Variants in MDN1 observed in about 807,000 individuals in gnomAD.
MDN1 encodes midasin AAA ATPase 1.
A neutral mutation model predicts 669.2 loss-of-function variants in MDN1; 266 were observed. That is an observed-to-expected ratio of 0.40 (90% CI 0.36 to 0.44). MDN1 has a LOEUF of 0.44. MDN1 is among the 20% of genes least tolerant of loss of function. The pLI, the probability that MDN1 is intolerant of heterozygous loss-of-function variation, is 1.00. For missense variants in MDN1, 5,940 were observed against 6,754.0 expected (o/e 0.88, Z 4.22); for synonymous variants, 2,385 against 2,457.1 (o/e 0.97, Z 0.87).
intron 30 of MDN1, 46 bp from the exon 31 acceptor site, chr6:89,743,326 C>T: frequency 5.0e-6 from 8 of 1,609,880 alleles, no homozygotes; most frequent in Non-Finnish European, 6.8e-6. Context: ...GGTGGCTCCA[C>T]AGACAATATA....
In MDN1 at chr6:89,787,908, C is replaced by T; in HGVS notation, c.1280G>A (p.Gly427Asp). The change falls in exon 8 of 102, where the codon GGC (glycine) becomes GAC (aspartate). Residue 427 changes from glycine to aspartate, a missense_variant. Transcript: ENST00000369393. ...TGCCACTTTCAGACAGTCACCTCGG[C>T]CAGGAATCAAGAGCTCTCCATTCTC... ...LLENGELLIP[G>D]RGDCLKVAPG... The T allele has an allele frequency of 6.2e-7, 1 of 1,613,724 alleles. No homozygotes were observed. The highest frequency in any genetic ancestry group is 8.5e-7 in the Non-Finnish European group (1 of 1,180,008).
chr6:89,778,299 T>C (rs1818454221), intron 11 of MDN1, among the ~76,000 whole-genome samples: 1 of 152,046 alleles, frequency 6.6e-6, no homozygotes, highest in Non-Finnish European at 1.5e-5. Context: ...TCATCTTTTC[T>C]ATTGTTTTTT....
intron 10 of MDN1, among the ~76,000 whole-genome samples, chr6:89,780,785 C>A (rs1003171174): frequency 6.7e-6 from 1 of 150,066 alleles, no homozygotes; most frequent in Non-Finnish European, 1.5e-5. Flanking sequence ...GGATTACAGG[C>A]ACCTGCCACC....
chr6:89,818,823 G>A (rs1236921876), intron 1 of MDN1, among the ~76,000 whole-genome samples: 24 of 147,036 alleles, frequency 1.6e-4, no homozygotes, highest in Non-Finnish European at 3.0e-4. Flanking sequence ...AAAAAAAAAA[G>A]TGTCTTCAAC....
chr6:89,654,158 A>T lies in MDN1; in HGVS notation c.15661+6T>A, dbSNP rs1371703634. ...TGGGAAGGGTTTGTTCACTAGCAGGACTCACCCAAGGGTGCTGTGGTGCCC... is the reference window on the plus strand; with the variant it reads ...TGGGAAGGGTTTGTTCACTAGCAGGTCTCACCCAAGGGTGCTGTGGTGCCC... On this transcript the variant is annotated splice_donor_region_variant and intron_variant, in intron 93 of 101. Coordinates refer to ENST00000369393, the MANE Select transcript of MDN1 (RefSeq NM_014611.3). 1 of 1,613,900 alleles carries T rather than the reference A, an allele frequency of 6.2e-7. No homozygotes were observed. The highest frequency in any genetic ancestry group is 1.3e-5 in the African/African-American group (1 of 74,914).
chr6:89,650,333 G>C (rs1422663703), intron 96 of MDN1, 135 bp from the exon 97 acceptor site: 2 of 811,450 alleles, frequency 2.5e-6, no homozygotes, highest in African/African-American at 3.5e-5. Flanking sequence ...AAGTGTTTCT[G>C]TCAATTGACG....
At chr6:89,798,114 G>A (rs1229312256) in intron 2 of MDN1, among the ~76,000 whole-genome samples, 6 of 150,258 alleles carry the variant, frequency 4.0e-5, no homozygotes, top group Admixed American at 6.7e-5. Flanking sequence ...CCCGGGAGGC[G>A]GAGCTTGCAG....
At position 89,653,114 on chromosome 6, in the gene MDN1, C is replaced by T. The variant is rs746453309; in HGVS notation, c.15703G>A (p.Glu5235Lys). The T allele has an allele frequency of 1.9e-6, 3 of 1,613,934 alleles. No individual in the cohort carries two copies. The highest frequency in any genetic ancestry group is 2.5e-6 in the Non-Finnish European group (3 of 1,179,982). ...TCTGTTCTGGGGTCTTGGTCTTCCT[C>T]TGTTTTAACAGTTTGGATCTCCACT... ...MEVEIQTVKTEEDQDPRTDKA... is the reference protein window; with the variant it reads ...MEVEIQTVKTKEDQDPRTDKA... Residue 5235 changes from glutamate (E) to lysine (K), a missense_variant, in exon 94 of 102, where the codon GAG (glutamate) becomes AAG (lysine). By Grantham distance (56) the Glu-to-Lys change is moderately conservative. This residue lies in a region of MDN1 where 2,280 missense variants were observed against 2,576.3 expected (regional missense o/e 0.88). Coordinates refer to ENST00000369393, the MANE Select transcript of MDN1 (RefSeq NM_014611.3).
intron 26 of MDN1, 39 bp downstream of exon 26, chr6:89,749,184 A>G (rs1437038942): frequency 1.9e-6 from 3 of 1,540,784 alleles, no homozygotes; most frequent in Non-Finnish European, 2.6e-6. Context: ...AATTTTGATC[A>G]CCAAGTATAA....
intron 15 of MDN1, among the ~76,000 whole-genome samples, chr6:89,762,910 G>T (rs1011523935): frequency 3.9e-5 from 6 of 152,044 alleles, no homozygotes; most frequent in African/African-American, 1.2e-4. Context: ...ACAAAAATTA[G>T]TCAGGTGCAG....
rs146082832 is a variant in MDN1 at position 89,715,767 on chromosome 6, G to A, written c.6746C>T (p.Pro2249Leu). The A allele has an allele frequency of 1.3e-6, 2 of 1,598,820 alleles. No homozygotes were observed. Among genetic ancestry groups the A allele is most frequent in the African/African-American group, 1.3e-5 (1 of 74,708 alleles). Reference sequence around the variant, plus strand: ...AGCATTCAAACGATCCAACACTGATGGGCTGCAGAGACAGAATTCAGATGG... The same window carrying A: ...AGCATTCAAACGATCCAACACTGATAGGCTGCAGAGACAGAATTCAGATGG... ...LLMDNVNFCN[P>L]SVLDRLNALL... The change falls in exon 45 of 102, where the codon CCA becomes CTA. Residue 2249 changes from proline (P) to leucine (L), a missense_variant and splice_region_variant. Physicochemically the swap from Pro to Leu is moderately conservative, Grantham distance 98. Around this residue, in one of 5 missense-constraint regions of MDN1, gnomAD observed 2,292 missense variants for 2,638.3 expected, o/e 0.87. Transcript: ENST00000369393.
Position 89,694,162 on chromosome 6 carries a change from A to G in MDN1, c.9793T>C (p.Trp3265Arg). 6.2e-7 allele frequency: 1 copy of G among 1,614,162 alleles called. No individual in the cohort carries two copies. The highest frequency in any genetic ancestry group is 8.5e-7 in the Non-Finnish European group (1 of 1,180,010). Residue 3265 changes from tryptophan to arginine, a missense_variant, in exon 62 of 102, where the codon TGG becomes CGG. Transcript: ENST00000369393. ...TGGGATGACAGGTTCCGGGTCTTCC[A>G]TTCACACTGCAGTTGGTGTAACTAA... ...KEELHQLQCE[W>R]KTRNLSSQLQ...
rs560553550 is a variant in MDN1, at chr6:89,806,631, C to T, written c.103-3077G>A. On this transcript the variant is annotated intron_variant, in intron 1 of 101. Transcript: ENST00000369393. ...TACTTGGGAGGCTGGGGCAGGAAAA[C>T]GGCTTGAACCCAGGAGGCGGAGGTT... 5.3e-5 allele frequency among the ~76,000 whole-genome samples: 8 copies of T among 152,148 alleles called. No individual in the cohort carries two copies. In the East Asian group the frequency reaches 9.7e-4, roughly 18 times the overall value.
intron 74 of MDN1, among the ~76,000 whole-genome samples, chr6:89,679,253 T>C (rs1364600366): frequency 6.6e-6 from 1 of 152,196 alleles, no homozygotes; most frequent in African/African-American, 2.4e-5. Flanking sequence ...CAGTGAGGTC[T>C]AGTCACTATC....
chr6:89,727,504 G>A (rs143316988), intron 37 of MDN1, among the ~76,000 whole-genome samples: 24 of 152,056 alleles, frequency 1.6e-4, no homozygotes, highest in Admixed American at 6.6e-5. Context: ...AACATGAAGC[G>A]GTTGACGCTA....
At chr6:89,765,256 TAC>T (rs5878110) in intron 15 of MDN1, among the ~76,000 whole-genome samples, 126,712 of 150,500 alleles carry the variant, frequency 0.84, 53,258 homozygotes, top group East Asian at 0.91. Flanking sequence ...GACTATGCCA[TAC>T]ACACACACAC....
intron 1 of MDN1, among the ~76,000 whole-genome samples, chr6:89,818,356 G>A (rs1249836985): frequency 2.0e-5 from 3 of 148,220 alleles, no homozygotes; most frequent in Admixed American, 6.8e-5. Context: ...AATTTAGGCC[G>A]GACACGGTGG....
chr6:89,658,773 C>T lies in MDN1; in HGVS notation c.14858G>A (p.Gly4953Glu), dbSNP rs775384671. Residue 4953 changes from glycine (G) to glutamate (E), a missense_variant, in exon 89 of 102, where the codon GGG becomes GAG. By Grantham distance (98) the Gly-to-Glu change is moderately conservative. Transcript: ENST00000369393. Reference protein sequence around the residue: ...EGPSEDDKAEGEEEMDTGADD... With the variant: ...EGPSEDDKAEEEEEMDTGADD... The stretch of plus-strand genomic sequence containing the variant: ...AGCTCCTGTGTCCATTTCCTCTTCC[C>T]CTTCTGCCTTGTCATCTTCACTGGG... 5 of 1,614,074 alleles carry T rather than the reference C, an allele frequency of 3.1e-6. No individual in the cohort carries two copies. The Admixed American group carries it at 5.0e-5, about 16-fold the overall frequency.
At position 89,683,222 on chromosome 6, in the gene MDN1, T is replaced by C. The variant is rs372963800; in HGVS notation, c.12012A>G (p.Pro4004=). The change falls in exon 73 of 102, where the codon CCA becomes CCG. Residue 4004 remains proline (P), a synonymous_variant. Transcript: ENST00000369393. Reference sequence around the variant, plus strand: ...ACAGTTCACTTGCAGCTCCATCTGTTGGCCTGGGCAAAAAGTCAGGCTGTT... The same window carrying C: ...ACAGTTCACTTGCAGCTCCATCTGTCGGCCTGGGCAAAAAGTCAGGCTGTT... The part of the protein sequence containing the change: ...KEEQPDFLPR[P]TDGAASELSS... 21 of 1,613,992 alleles carry C rather than the reference T, an allele frequency of 1.3e-5. No homozygotes were observed. In the Admixed American group the frequency reaches 1.7e-4, roughly 13 times the overall value.
Sources: gnomAD v4.1 joint callset for allele counts (sites outside exome capture counted in the v4.1 genomes callset) on GRCh38, gnomAD v4.1.1 for gene constraint, gnomAD v4.1.1 regional missense constraint, MANE v1.5 for transcripts, NCBI Gene and HGNC (gene_info 2026-07-23, HGNC 2026-07-21) for gene names.